The following CDH22 variants were observed in gnomAD, a reference collection of about 807,000 sequenced individuals.
CDH22 encodes cadherin 22.
In CDH22, 30 loss-of-function variants were observed where a neutral mutation model predicts 58.4. That is an observed-to-expected ratio of 0.51 (90% CI 0.38 to 0.70). The LOEUF (loss-of-function observed/expected upper bound fraction) is 0.70, where lower values mean the gene tolerates loss of function less well. Among genes scored for constraint, CDH22 ranks in the 30% least tolerant of loss-of-function variants. The pLI is 0.00. For synonymous variants in CDH22, 513 were observed against 558.2 expected (o/e 0.92, Z 1.14); for missense variants, 1,014 against 1,233.9 (o/e 0.82, Z 2.67).
chr20:46,186,535 G>C (rs1431425933), intron 10 of CDH22, 53 bp downstream of exon 10: 3 of 1,264,318 alleles, frequency 2.4e-6, no homozygotes, highest in South Asian at 2.5e-5. Context: ...TATGGGAACA[G>C]GGCAGGGAGA....
In CDH22 at chr20:46,216,857, G is replaced by A. The variant is rs368139612; in HGVS notation, c.807C>T (p.Asp269=). Residue 269 remains aspartate (D), a synonymous_variant, in exon 5 of 12, where the codon GAC becomes GAT. Coordinates refer to ENST00000537909, the MANE Select transcript of CDH22 (RefSeq NM_021248.3). The surrounding 1 kb of genome is among the most constrained non-coding windows in gnomAD (Gnocchi z 5.3). The part of the protein sequence containing the change: ...GSTTVTIVVT[D]VNDNPPRFPQ... ...GGAAACGGGGCGGGTTGTCATTGAC[G>A]TCGGTGACTACGATGGTGACGGTAG... The A allele has an allele frequency of 1.8e-4, 294 of 1,604,700 alleles. 2 individuals carry two copies. The East Asian group carries it at 4.2e-3, about 23-fold the overall frequency.
At chr20:46,193,601 G>T (rs1600689827) in intron 8 of CDH22, among the ~76,000 whole-genome samples, 1 of 152,094 alleles carries the variant, frequency 6.6e-6, no homozygotes, top group African/African-American at 2.4e-5. Flanking sequence ...TTCCTCATGG[G>T]ACACCAAGGC....
chr20:46,179,149 A>G (rs2085765902), intron 10 of CDH22, among the ~76,000 whole-genome samples: 1 of 152,160 alleles, frequency 6.6e-6, no homozygotes, highest in Non-Finnish European at 1.5e-5. Context: ...TGTCATTTTG[A>G]TGGCCTCTCT....
intron 1 of CDH22, among the ~76,000 whole-genome samples, chr20:46,293,960 A>G (rs1333468875): frequency 6.6e-6 from 1 of 152,172 alleles, no homozygotes; most frequent in East Asian, 1.9e-4. Context: ...GGTTGCAGTG[A>G]GCCGAGACTG....
intron 3 of CDH22, among the ~76,000 whole-genome samples, chr20:46,239,031 C>T (rs2086272726): frequency 6.6e-6 from 1 of 152,242 alleles, no homozygotes; most frequent in African/African-American, 2.4e-5. Flanking sequence ...ATTCCCTCCG[C>T]CTGGAATGCT....
intron 8 of CDH22, among the ~76,000 whole-genome samples, chr20:46,192,290 C>T (rs1044381105): frequency 2.6e-5 from 4 of 152,142 alleles, no homozygotes. Context: ...GGCCACGCTC[C>T]AGGAGGGATG....
chr20:46,195,997 T>C (rs111739878), intron 8 of CDH22, among the ~76,000 whole-genome samples: 147 of 152,272 alleles, frequency 9.7e-4, no homozygotes, highest in African/African-American at 3.2e-3. Flanking sequence ...CATGACCCTC[T>C]GAGTTTCCCT....
At chr20:46,307,432 C>T (rs1242727666) in intron 1 of CDH22, among the ~76,000 whole-genome samples, 1 of 152,230 alleles carries the variant, frequency 6.6e-6, no homozygotes, top group East Asian at 1.9e-4. Context: ...AACGCCGCGG[C>T]CCCCGAGGGT....
Position 46,186,847 on chromosome 20 carries a change from G to T in CDH22, c.1524C>A (p.Cys508Ter). The change falls in exon 9 of 12, where the codon TGC becomes TGA. Residue 508 changes from cysteine (C) to a stop codon, truncating the protein, a stop_gained. Coordinates refer to ENST00000537909, the MANE Select transcript of CDH22 (RefSeq NM_021248.3). LOFTEE classifies it high-confidence loss of function. ...ELATPYEAAV[C>*]EDAKPGQLIQ... ...GTACCTGGCCTGGCTTGGCATCCTC[G>T]CATACAGCTGCCTCGTAGGGTGTGG... 1 of 1,608,738 alleles carries T rather than the reference G, an allele frequency of 6.2e-7. No homozygotes were observed. The highest frequency in any genetic ancestry group is 8.5e-7 in the Non-Finnish European group (1 of 1,177,248).
At chr20:46,187,105 A>C (rs1399078366) in intron 8 of CDH22, among the ~76,000 whole-genome samples, 158 bp from the exon 9 acceptor site, 1 of 152,090 alleles carries the variant, frequency 6.6e-6, no homozygotes, top group Non-Finnish European at 1.5e-5. Context: ...ACATTTGGGC[A>C]TAAGTTAAGT....
chr20:46,269,869 C>A (rs1428530128), intron 1 of CDH22, among the ~76,000 whole-genome samples: 2 of 152,222 alleles, frequency 1.3e-5, no homozygotes, highest in Admixed American at 6.5e-5. Flanking sequence ...CTTCTTCCTA[C>A]TGGACTGCAA....
rs868140365 is a variant in CDH22 at position 46,256,563 on chromosome 20, G to A, written c.-399-4870C>T. Among the ~76,000 whole-genome samples, 4 of 152,116 alleles carry A rather than the reference G, an allele frequency of 2.6e-5. 1 individual carries two copies. Among genetic ancestry groups the A allele is most frequent in the Non-Finnish European group, 5.9e-5 (4 of 68,022 alleles). ...CTCGTGTTGCTGAAGTGGAGTGAGT[G>A]CAGGGGAAGCAGCAGCAGATGAGGT... On this transcript the variant is annotated intron_variant, in intron 1 of 11. Coordinates refer to ENST00000537909, the MANE Select transcript of CDH22 (RefSeq NM_021248.3).
intron 7 of CDH22, among the ~76,000 whole-genome samples, chr20:46,206,792 G>A (rs965055059): frequency 1.2e-4 from 18 of 152,182 alleles, no homozygotes; most frequent in African/African-American, 3.9e-4. Context: ...CAAACTCCAC[G>A]TGGGCAGGGA....
At chr20:46,200,076 C>G (rs1322121809) in intron 7 of CDH22, among the ~76,000 whole-genome samples, 1 of 152,146 alleles carries the variant, frequency 6.6e-6, no homozygotes, top group Non-Finnish European at 1.5e-5. Flanking sequence ...CGGGTTCACG[C>G]CATTCTCCTG....
intron 8 of CDH22, among the ~76,000 whole-genome samples, chr20:46,192,548 A>G (rs2085868171): frequency 7.2e-6 from 1 of 138,556 alleles, no homozygotes; most frequent in Non-Finnish European, 1.6e-5. Flanking sequence ...AAGCTGCAAG[A>G]GTGGGAGTGG....
At chr20:46,236,523 TATATA>T (rs1033840939) in intron 3 of CDH22, among the ~76,000 whole-genome samples, 53 of 138,148 alleles carry the variant, frequency 3.8e-4, no homozygotes, top group Middle Eastern at 3.7e-3. Flanking sequence ...TTATATATAA[TATATA>T]ATATATTTAT....
At chr20:46,234,691 C>G (rs891480633) in intron 3 of CDH22, among the ~76,000 whole-genome samples, 42 of 152,240 alleles carry the variant, frequency 2.8e-4, no homozygotes, top group Admixed American at 1.3e-4. Flanking sequence ...ATTCTCCTTC[C>G]TTTGCCCATG....
At chr20:46,263,913 G>A (rs1473672371) in intron 1 of CDH22, among the ~76,000 whole-genome samples, 1 of 152,338 alleles carries the variant, frequency 6.6e-6, no homozygotes, top group Admixed American at 6.5e-5. Context: ...GGGGACCCGT[G>A]AGAAGGTGGT....
chr20:46,178,262 C>T, intron 10 of CDH22, 65 bp from the exon 11 acceptor site: 8 of 1,553,776 alleles, frequency 5.1e-6, no homozygotes, highest in Non-Finnish European at 7.0e-6. Context: ...GTCCTAGCCA[C>T]CTCCTGATTG....
Sources: allele counts gnomAD v4.1 joint callset (sites outside exome capture counted in the v4.1 genomes callset), GRCh38; gene constraint gnomAD v4.1.1; non-coding constraint Gnocchi (gnomAD v3.1); transcripts MANE v1.5; gene names NCBI Gene and HGNC (gene_info 2026-07-23, HGNC 2026-07-21).